Variants in CLDN14 observed in about 807,000 individuals in gnomAD.
CLDN14 encodes claudin 14.
Under a neutral mutation model 2.1 loss-of-function variants are expected in CLDN14, and 2 were observed. The observed-to-expected ratio is 0.96, with a 90% confidence interval of 0.39 to 3.01. CLDN14 has a LOEUF of 3.01. CLDN14 is among the 30% of genes most tolerant of loss of function. The pLI is 0.09. For missense variants in CLDN14, 298 were observed against 328.0 expected (o/e 0.91, Z 0.71); for synonymous variants, 136 against 154.4 (o/e 0.88, Z 0.88).
chr21:36,469,508 A>C (rs1568844495), intron 1 of CLDN14, among the ~76,000 whole-genome samples: 1 of 152,246 alleles, frequency 6.6e-6, no homozygotes, highest in Non-Finnish European at 1.5e-5. Flanking sequence ...TAGGAAAACC[A>C]ATGTGAAGTA....
chr21:36,462,139 G>A (rs751919974), intron 1 of CLDN14, among the ~76,000 whole-genome samples: 2 of 152,162 alleles, frequency 1.3e-5, no homozygotes, highest in Admixed American at 1.3e-4. Context: ...TTCATGCCTT[G>A]GACTGACAGT....
chr21:36,568,480 G>C (rs751236109), intron 1 of CLDN14, among the ~76,000 whole-genome samples: 3 of 152,094 alleles, frequency 2.0e-5, no homozygotes, highest in Non-Finnish European at 4.4e-5. Flanking sequence ...TCTTTCCCTA[G>C]AGCCCCTGGC....
intron 1 of CLDN14, among the ~76,000 whole-genome samples, chr21:36,475,064 G>A (rs2146439031): frequency 6.6e-6 from 1 of 152,310 alleles, no homozygotes; most frequent in Non-Finnish European, 1.5e-5. Flanking sequence ...ACCAAGTCAA[G>A]GGGTCAAGTG....
At chr21:36,562,800 C>A (rs746991932) in intron 1 of CLDN14, among the ~76,000 whole-genome samples, 12 of 151,882 alleles carry the variant, frequency 7.9e-5, no homozygotes, top group Admixed American at 2.0e-4. Context: ...TCAGCACAGT[C>A]AAGCGGTGTA....
At chr21:36,492,468 A>T (rs1439708630) in intron 2 of CLDN14, among the ~76,000 whole-genome samples, 1 of 138,854 alleles carries the variant, frequency 7.2e-6, no homozygotes. Flanking sequence ...AAAAAAAAAA[A>T]TGCAAAAATT....
At chr21:36,561,033 T>C (rs533549717) in intron 1 of CLDN14, among the ~76,000 whole-genome samples, 2 of 152,350 alleles carry the variant, frequency 1.3e-5, no homozygotes, top group African/African-American at 2.4e-5. Flanking sequence ...ATGATTGGTT[T>C]CAATAAGCAT....
chr21:36,539,824 T>A (rs2087470471), intron 1 of CLDN14, among the ~76,000 whole-genome samples: 1 of 149,882 alleles, frequency 6.7e-6, no homozygotes, highest in African/African-American at 2.5e-5. Context: ...GTGCGGAGTA[T>A]GTCTGCAGAG....
At chr21:36,546,272 C>T (rs1460414044) in intron 1 of CLDN14, among the ~76,000 whole-genome samples, 1 of 152,056 alleles carries the variant, frequency 6.6e-6, no homozygotes, top group East Asian at 1.9e-4. Context: ...CATCCCAGAG[C>T]CTGATTCAGC....
chr21:36,559,052 C>A (rs1304629307), intron 1 of CLDN14, among the ~76,000 whole-genome samples: 7 of 152,084 alleles, frequency 4.6e-5, no homozygotes, highest in Non-Finnish European at 1.0e-4. Flanking sequence ...GCATCCTTAC[C>A]TTGTTCCTTA....
intron 1 of CLDN14, among the ~76,000 whole-genome samples, chr21:36,561,754 C>G (rs1415687192): frequency 6.6e-6 from 1 of 152,126 alleles, no homozygotes; most frequent in Non-Finnish European, 1.5e-5. Flanking sequence ...GTATTAAGAC[C>G]CACACATCTC....
intron 2 of CLDN14, chr21:36,486,372 G>A: frequency 1.1e-6 from 1 of 935,588 alleles, no homozygotes; most frequent in Non-Finnish European, 1.7e-6. Context: ...CCTGGCCTCA[G>A]CAGCAGAGGC....
intron 1 of CLDN14, among the ~76,000 whole-genome samples, chr21:36,574,668 C>T (rs186431257): frequency 1.3e-5 from 2 of 152,282 alleles, no homozygotes; most frequent in African/African-American, 4.8e-5. Flanking sequence ...GATTGTTGAA[C>T]TGAACCCCCG....
chr21:36,493,140 G>GA (rs1198415374), intron 2 of CLDN14, among the ~76,000 whole-genome samples: 1 of 152,180 alleles, frequency 6.6e-6, no homozygotes, highest in African/African-American at 2.4e-5. Context: ...CGCCCCCGGG[G>GA]AGGAGGTCGA....
At chr21:36,552,740 T>A (rs1422212580) in intron 1 of CLDN14, among the ~76,000 whole-genome samples, 1 of 147,158 alleles carries the variant, frequency 6.8e-6, no homozygotes, top group African/African-American at 2.5e-5. Context: ...AAAAAAAAAC[T>A]CTCTATTTTC....
chr21:36,539,343 AGTGT>A (rs200424906), intron 1 of CLDN14, among the ~76,000 whole-genome samples: 1 of 149,876 alleles, frequency 6.7e-6, no homozygotes, highest in Non-Finnish European at 1.5e-5. Flanking sequence ...GTGTGGAGTG[AGTGT>A]GTGTGGAGTG....
chr21:36,522,402 C>T (rs2087277713), intron 1 of CLDN14, among the ~76,000 whole-genome samples: 1 of 152,224 alleles, frequency 6.6e-6, no homozygotes, highest in Non-Finnish European at 1.5e-5. Context: ...CTTTGGGAGA[C>T]ACTGAGCATT....
chr21:36,534,891 C>T (rs530576169), intron 1 of CLDN14, among the ~76,000 whole-genome samples: 1 of 152,238 alleles, frequency 6.6e-6, no homozygotes, highest in Admixed American at 6.5e-5. Flanking sequence ...ATGCAACCAT[C>T]TCCCTCCCTG....
At chr21:36,497,399 G>A (rs1231127172) in intron 2 of CLDN14, among the ~76,000 whole-genome samples, 2 of 70,628 alleles carry the variant, frequency 2.8e-5, no homozygotes, top group African/African-American at 5.0e-5. Context: ...GGAAGGAAGG[G>A]AGGGAGGGAG....
chr21:36,498,146 A>G lies in CLDN14; in HGVS notation c.-82+12217T>C, dbSNP rs551674763. ...CTCATGAGTAGCTGGGATTACAGGC[A>G]CCCACCACCATGCCCAGCTAATTTT... On this transcript the variant is annotated intron_variant, in intron 2 of 2. Transcript: ENST00000342108. This position sits in a 1 kb window ranked among gnomAD's most constrained non-coding sequence, Gnocchi z 4.9. 3.9e-3 allele frequency among the ~76,000 whole-genome samples: 597 copies of G among 152,060 alleles called. 2 individuals are homozygous for G. Among genetic ancestry groups the G allele is most frequent in the Non-Finnish European group, 5.1e-3 (349 of 67,986 alleles).
Sources: allele counts gnomAD v4.1 joint callset (sites outside exome capture counted in the v4.1 genomes callset), GRCh38; gene constraint gnomAD v4.1.1; non-coding constraint Gnocchi (gnomAD v3.1); transcripts MANE v1.5; gene names NCBI Gene and HGNC (gene_info 2026-07-23, HGNC 2026-07-21).